The following RAB3B variants were observed in gnomAD, a reference collection of about 807,000 sequenced individuals.
RAB3B encodes RAB3B, member RAS oncogene family, also known as ras-related protein Rab-3B.
Under a neutral mutation model 20.5 loss-of-function variants are expected in RAB3B, and 11 were observed. That is an observed-to-expected ratio of 0.54 (90% CI 0.34 to 0.89). RAB3B has a LOEUF of 0.89. Among genes scored for constraint, RAB3B ranks in the 40% least tolerant of loss-of-function variants. The pLI is 0.02. For missense variants in RAB3B, 225 were observed against 280.9 expected, an observed-to-expected ratio of 0.80 and a Z score of 1.42; for synonymous variants, 99 against 106.3, an observed-to-expected ratio of 0.93 and a Z score of 0.42.
intron 2 of RAB3B, among the ~76,000 whole-genome samples, chr1:51,975,314 A>G (rs989766240): frequency 6.6e-6 from 1 of 152,224 alleles, no homozygotes; most frequent in Non-Finnish European, 1.5e-5. Flanking sequence ...TTTGAAAACT[A>G]TATGATCTAC....
chr1:51,929,339 TC>T (rs1254570127), intron 4 of RAB3B, among the ~76,000 whole-genome samples: 22 of 152,078 alleles, frequency 1.4e-4, no homozygotes, highest in African/African-American at 4.8e-4. Flanking sequence ...CCTTTTTTTT[TC>T]TTTTTGAGAT....
At position 51,918,158 on chromosome 1, in the gene RAB3B, A is replaced by C. The variant is rs1263149696; in HGVS notation, c.*1769T>G. ...GGTATTTAATTAAGGGGCTTCCACC[A>C]GAAGTGGTTTCCCACACTCTCTGGT... On this transcript the variant is annotated 3_prime_UTR_variant, in exon 5 of 5. Transcript: ENST00000371655. The C allele has an allele frequency of 6.6e-6, 1 of 152,220 alleles. No individual in the cohort carries two copies. The highest frequency in any genetic ancestry group is 1.9e-4 in the East Asian group (1 of 5,198). 9.4% of individuals were successfully genotyped at this position (152,220 alleles called of 1,614,324 possible). A position where few individuals can be genotyped will look rare whatever the true frequency, so the allele number is the denominator to read the frequency against.
rs2124214300 is a variant in RAB3B at position 51,912,114 on chromosome 1, T to C, written c.*7813A>G. ...TCCTTTTCTTCTTTTTTTTCTTTCTTTCTTTCTTTTTTTTTTTTTTTTGAG... is the reference window on the plus strand; with the variant it reads ...TCCTTTTCTTCTTTTTTTTCTTTCTCTCTTTCTTTTTTTTTTTTTTTTGAG... On this transcript the variant is annotated 3_prime_UTR_variant, in exon 5 of 5. Transcript: ENST00000371655. The C allele has an allele frequency of 6.8e-6, 1 of 146,040 alleles. No homozygotes were observed. Among genetic ancestry groups the C allele is most frequent in the South Asian group, 2.1e-4 (1 of 4,678 alleles). The allele number at this position is 146,040 out of a possible 1,614,324, so 9.0% of individuals were successfully genotyped here. A position where few individuals can be genotyped will look rare whatever the true frequency, so the allele number is the denominator to read the frequency against.
intron 2 of RAB3B, among the ~76,000 whole-genome samples, chr1:51,940,263 A>G (rs1190485313): frequency 6.6e-6 from 1 of 152,220 alleles, no homozygotes; most frequent in Non-Finnish European, 1.5e-5. Context: ...TGGCTAAGAT[A>G]TAACAGCAAA....
chr1:51,989,208 T>TTGTGTG (rs60661761), intron 1 of RAB3B, among the ~76,000 whole-genome samples: 3,406 of 99,800 alleles, frequency 0.034, 112 homozygotes, highest in African/African-American at 0.08. Flanking sequence ...CCATCTTGTT[T>TTGTGTG]TGTGTGTGTG....
chr1:51,920,102 A>G lies in RAB3B; in HGVS notation c.485T>C (p.Phe162Ser), dbSNP rs1431204510. Residue 162 changes from phenylalanine (F) to serine (S), a missense_variant, in exon 5 of 5, where the codon TTT (phenylalanine) becomes TCT (serine). Coordinates refer to ENST00000371655, the MANE Select transcript of RAB3B (RefSeq NM_002867.4). ...GATGTTCTCCTTTGCACTGGCTTCAAAGAAATCAAACCCTGGAAAGAGGAG... is the reference window on the plus strand; with the variant it reads ...GATGTTCTCCTTTGCACTGGCTTCAGAGAAATCAAACCCTGGAAAGAGGAG... ...LLAEQLGFDFFEASAKENISV... is the reference protein window; with the variant it reads ...LLAEQLGFDFSEASAKENISV... 6.2e-7 allele frequency: 1 copy of G among 1,609,414 alleles called. No individual in the cohort carries two copies. Among genetic ancestry groups the G allele is most frequent in the Non-Finnish European group, 8.5e-7 (1 of 1,176,760 alleles).
At position 51,907,990 on chromosome 1, in the gene RAB3B, A is replaced by G. The variant is rs921010806; in HGVS notation, c.*11937T>C. On this transcript the variant is annotated 3_prime_UTR_variant, in exon 5 of 5. Coordinates refer to ENST00000371655, the MANE Select transcript of RAB3B (RefSeq NM_002867.4). ...GAAGAACTTTAATGCATATACCATC[A>G]TTGCCACTATAATAGAGATAGAAGA... 1.3e-5 allele frequency: 2 copies of G among 152,180 alleles called. No individual in the cohort carries two copies. Among genetic ancestry groups the G allele is most frequent in the African/African-American group, 2.4e-5 (1 of 41,446 alleles). The allele number at this position is 152,180 out of a possible 1,614,324, so 9.4% of individuals were successfully genotyped here.
chr1:51,955,282 A>G (rs1684692830), intron 2 of RAB3B, among the ~76,000 whole-genome samples: 1 of 152,226 alleles, frequency 6.6e-6, no homozygotes, highest in Non-Finnish European at 1.5e-5. Flanking sequence ...AAGCTGAGCC[A>G]ACACCATAGC....
Position 51,967,521 on chromosome 1 carries a change from C to CTTTT in RAB3B, c.228+9365_228+9368dup, listed in dbSNP as rs71041868. Among the ~76,000 whole-genome samples, 80 of 36,504 alleles carry CTTTT rather than the reference C, an allele frequency of 2.2e-3. 19 individuals carry two copies. Among genetic ancestry groups the CTTTT allele is most frequent in the South Asian group, 7.8e-3 (3 of 384 alleles). 23.9% of individuals were successfully genotyped at this position (36,504 alleles called of 152,430 possible). A position where few individuals can be genotyped will look rare whatever the true frequency, so the allele number is the denominator to read the frequency against. The stretch of plus-strand genomic sequence containing the variant: ...TTCCTTTTTCTTTTCTTTTCTTTTT[C>CTTTT]TTTTTTTTTTTTTTTTTTGAGATAG... On this transcript the variant is annotated intron_variant, in intron 2 of 4. Transcript: ENST00000371655.
At chr1:51,957,259 A>G (rs1230611681) in intron 2 of RAB3B, among the ~76,000 whole-genome samples, 14 of 152,124 alleles carry the variant, frequency 9.2e-5, no homozygotes, top group Admixed American at 9.2e-4. Context: ...AGACAAAAAT[A>G]TATTTTAACA....
intron 2 of RAB3B, among the ~76,000 whole-genome samples, chr1:51,969,878 G>A (rs893902296): frequency 3.3e-5 from 5 of 151,900 alleles, no homozygotes; most frequent in African/African-American, 1.2e-4. Context: ...TTACTGCTGG[G>A]TGCTGGTTGC....
At chr1:51,959,419 G>A (rs1436735237) in intron 2 of RAB3B, among the ~76,000 whole-genome samples, 1 of 152,188 alleles carries the variant, frequency 6.6e-6, no homozygotes, top group African/African-American at 2.4e-5. Flanking sequence ...GGCTGTGGTG[G>A]GAGGACGGCT....
At chr1:51,920,549 A>G (rs1684158648) in intron 4 of RAB3B, among the ~76,000 whole-genome samples, 1 of 152,312 alleles carries the variant, frequency 6.6e-6, no homozygotes, top group South Asian at 2.1e-4. Flanking sequence ...AGCACCTTAC[A>G]GTTTCCAAAG....
intron 4 of RAB3B, among the ~76,000 whole-genome samples, chr1:51,924,570 G>A (rs1377571222): frequency 6.6e-6 from 1 of 152,178 alleles, no homozygotes; most frequent in East Asian, 1.9e-4. Flanking sequence ...TATCCTTAGA[G>A]CAGAAAACCC....
rs1422058135 is a variant in RAB3B at position 51,915,790 on chromosome 1, G to A, written c.*4137C>T. 2.0e-5 allele frequency: 3 copies of A among 152,644 alleles called. No homozygotes were observed. Among genetic ancestry groups the A allele is most frequent in the Middle Eastern group, 3.1e-3 (1 of 322 alleles). The allele number at this position is 152,644 out of a possible 1,614,324, so 9.5% of individuals were successfully genotyped here. A position where few individuals can be genotyped will look rare whatever the true frequency, so the allele number is the denominator to read the frequency against. On this transcript the variant is annotated 3_prime_UTR_variant, in exon 5 of 5. Coordinates refer to ENST00000371655, the MANE Select transcript of RAB3B (RefSeq NM_002867.4). The stretch of plus-strand genomic sequence containing the variant: ...GCTCACTGCAACCTCTGCCTCCCAG[G>A]TTCAAGCGATTCTCTGCCTCAGCCT...
At chr1:51,941,206 GT>G in intron 2 of RAB3B, among the ~76,000 whole-genome samples, 1 of 152,258 alleles carries the variant, frequency 6.6e-6, no homozygotes, top group East Asian at 1.9e-4. Context: ...GTTTTTGACA[GT>G]GAGTACTCCT....
intron 4 of RAB3B, 50 bp downstream of exon 4, chr1:51,933,268 T>A (rs1684351023): frequency 6.3e-7 from 1 of 1,594,524 alleles, no homozygotes; most frequent in East Asian, 2.2e-5. Flanking sequence ...CCCACTCTCA[T>A]GAGCATGTGT....
At chr1:51,962,951 C>T (rs1303892439) in intron 2 of RAB3B, among the ~76,000 whole-genome samples, 1 of 152,148 alleles carries the variant, frequency 6.6e-6, no homozygotes, top group Non-Finnish European at 1.5e-5. Flanking sequence ...AAACAAAACA[C>T]CTCCAGCTTT....
At position 51,934,710 on chromosome 1, in the gene RAB3B, A is replaced by C. The variant is rs1274556088; in HGVS notation, c.348-1268T>G. 8.3e-5 allele frequency among the ~76,000 whole-genome samples: 11 copies of C among 132,818 alleles called. No individual in the cohort carries two copies. In the Admixed American group the frequency reaches 1.0e-3, roughly 12 times the overall value. The allele number at this position is 132,818 out of a possible 152,430, so 87.1% of individuals were successfully genotyped here. On this transcript the variant is annotated intron_variant, in intron 3 of 4. Coordinates refer to ENST00000371655, the MANE Select transcript of RAB3B (RefSeq NM_002867.4). ...AGAATGGCGTGAACCCGGGAGGTGG[A>C]GCTTGCAGTGAGCCAAGATCGCATC...
Sources: gnomAD v4.1 joint callset for allele counts (sites outside exome capture counted in the v4.1 genomes callset) on GRCh38, gnomAD v4.1.1 for gene constraint, MANE v1.5 for transcripts, NCBI Gene and HGNC (gene_info 2026-07-23, HGNC 2026-07-21) for gene names.